ERRFI1: variants seen among roughly 807,000 people sequenced by gnomAD.
ERRFI1 encodes the protein ERBB receptor feedback inhibitor 1.
ERRFI1 carries 12 observed loss-of-function variants against 14.6 expected under a neutral mutation model. The ratio of observed to expected loss-of-function variants is 0.82; its 90% CI spans 0.53 to 1.33. The LOEUF (loss-of-function observed/expected upper bound fraction) is 1.33. Among genes scored for constraint, ERRFI1 ranks in the 40% most tolerant of loss-of-function variants. The probability of loss-of-function intolerance (pLI) is 0.00; values close to 1 mark genes in which losing one functional copy is unlikely to be tolerated. For missense variants in ERRFI1, 482 were observed against 572.1 expected (o/e 0.84, Z 1.61); for synonymous variants, 202 against 209.9 (o/e 0.96, Z 0.32).
chr1:8,013,668 T>C lies in ERRFI1; in HGVS notation c.931A>G (p.Ser311Gly), dbSNP rs1641126026. The C allele has an allele frequency of 6.2e-7, 1 of 1,614,038 alleles. No individual in the cohort carries two copies. The highest frequency in any genetic ancestry group is 1.7e-5 in the Admixed American group (1 of 59,996). The change falls in exon 4 of 4, where the codon AGT (serine) becomes GGT (glycine). Residue 311 changes from serine (S) to glycine (G), a missense_variant. Ser to Gly is a moderately conservative substitution (Grantham distance 56). Coordinates refer to ENST00000377482, the MANE Select transcript of ERRFI1 (RefSeq NM_018948.4). This position sits in a 1 kb window ranked among gnomAD's most constrained non-coding sequence, Gnocchi z 4.3. ...ACTTTGGGAGGCCTGTCTTCATCAC[T>C]ATAGGTGCTCGAAGTAACTTCTGCT... ...WSAEVTSSTYSDEDRPPKVPP... is the reference protein window; with the variant it reads ...WSAEVTSSTYGDEDRPPKVPP...
intron 1 of ERRFI1, among the ~76,000 whole-genome samples, chr1:8,024,029 C>T (rs1470001128): frequency 6.6e-6 from 1 of 152,196 alleles, no homozygotes; most frequent in Non-Finnish European, 1.5e-5. Flanking sequence ...GGAGCCTATG[C>T]CATTCCAATT....
intron 3 of ERRFI1, 96 bp from the exon 4 acceptor site, chr1:8,014,492 T>C (rs1044434248): frequency 1.7e-6 from 2 of 1,205,976 alleles, no homozygotes; most frequent in African/African-American, 3.0e-5. Context: ...TCCACAGCTT[T>C]CTTCCTGAGT....
intron 1 of ERRFI1, among the ~76,000 whole-genome samples, chr1:8,025,948 C>A (rs1233991049): frequency 1.3e-5 from 2 of 151,796 alleles, no homozygotes; most frequent in South Asian, 2.1e-4. Flanking sequence ...TCCCGCTCTC[C>A]ACACCTCAAT....
At chr1:8,015,188 G>A in intron 3 of ERRFI1, 120 bp downstream of exon 3, 1 of 823,366 alleles carries the variant, frequency 1.2e-6, no homozygotes, top group Non-Finnish European at 2.0e-6. Context: ...TAGGGGTCAG[G>A]CTGTTGTTGG....
intron 1 of ERRFI1, among the ~76,000 whole-genome samples, chr1:8,024,518 A>C (rs1211367655): frequency 6.6e-6 from 1 of 152,248 alleles, no homozygotes; most frequent in Non-Finnish European, 1.5e-5. Context: ...ATAAGATAGA[A>C]GCTATACAAG....
chr1:8,025,920 C>G (rs933530301), intron 1 of ERRFI1, among the ~76,000 whole-genome samples: 1 of 151,886 alleles, frequency 6.6e-6, no homozygotes, highest in Non-Finnish European at 1.5e-5. Context: ...CAGGCCCGGG[C>G]TGCGCCGCCG....
At chr1:8,014,606 A>T (rs1569583340) in intron 3 of ERRFI1, 1 of 554,252 alleles carries the variant, frequency 1.8e-6, no homozygotes, top group East Asian at 3.0e-5. Context: ...CAAAGAACAA[A>T]CTATCTCCTC....
rs573450659 is a variant in ERRFI1 at position 8,014,478 on chromosome 1, T to C, written c.203-82A>G. ...AGGGAGAGAGCACCCCAGCTACCTA[T>C]GCTTCCACAGCTTTCTTCCTGAGTG... is the stretch of plus-strand genomic sequence containing the variant. On this transcript the variant is annotated intron_variant, in intron 3 of 3. Transcript: ENST00000377482. 8,304 of 1,325,972 alleles carry C rather than the reference T, an allele frequency of 6.3e-3. 33 individuals carry two copies. The highest frequency in any genetic ancestry group is 7.7e-3 in the Non-Finnish European group (7,486 of 972,636). The allele number at this position is 1,325,972 out of a possible 1,614,324, so 82.1% of individuals were successfully genotyped here. A position where few individuals can be genotyped will look rare whatever the true frequency, so the allele number is the denominator to read the frequency against.
Position 8,012,531 on chromosome 1 carries a change from A to T in ERRFI1, c.*679T>A, listed in dbSNP as rs1641100159. On this transcript the variant is annotated 3_prime_UTR_variant, in exon 4 of 4. Transcript: ENST00000377482. ...TCAAGATGTGTGACAGGTACAGGTG[A>T]CAATATGGTTGCCAAGTAACCTGCT... 4.4e-6 allele frequency: 1 copy of T among 225,932 alleles called. No individual in the cohort carries two copies. The highest frequency in any genetic ancestry group is 2.2e-5 in the African/African-American group (1 of 44,928). 14.0% of individuals were successfully genotyped at this position (225,932 alleles called of 1,614,324 possible).
intron 1 of ERRFI1, among the ~76,000 whole-genome samples, chr1:8,016,109 A>C (rs1382096474): frequency 2.6e-5 from 4 of 152,202 alleles, no homozygotes. Context: ...AAGCTAAAAA[A>C]GTAATTTCAG....
intron 1 of ERRFI1, among the ~76,000 whole-genome samples, chr1:8,023,027 G>A (rs913060257): frequency 6.6e-6 from 1 of 152,130 alleles, no homozygotes; most frequent in African/African-American, 2.4e-5. Context: ...TTACACAGGT[G>A]GTTTGGGAAG....
rs748441931 is a variant in ERRFI1 at position 8,011,733 on chromosome 1, ATAAG to A, written c.*1473_*1476del. 137 of 188,090 alleles carry A rather than the reference ATAAG, an allele frequency of 7.3e-4. No homozygotes were observed. The highest frequency in any genetic ancestry group is 6.5e-4 in the Non-Finnish European group (58 of 88,976). The allele number at this position is 188,090 out of a possible 1,614,324, so 11.7% of individuals were successfully genotyped here. A position where few individuals can be genotyped will look rare whatever the true frequency, so the allele number is the denominator to read the frequency against. On this transcript the variant is annotated 3_prime_UTR_variant, in exon 4 of 4. Transcript: ENST00000377482. ...AGAAACATTACTAATGGTATCATAA[ATAAG>A]TATTATAACTTTATTAAAATGAAAA...
rs560726620 is a variant in ERRFI1 at position 8,020,411 on chromosome 1, G to C, written c.-73-4719C>G. ...CATTTAAAGGCAAAATTTATAAAAG[G>C]AAACTGATTTAGGAATATGACAAAC... On this transcript the variant is annotated intron_variant, in intron 1 of 3. Coordinates refer to ENST00000377482, the MANE Select transcript of ERRFI1 (RefSeq NM_018948.4). Among the ~76,000 whole-genome samples, 5 of 152,118 alleles carry C rather than the reference G, an allele frequency of 3.3e-5. No homozygotes were observed. In the South Asian group the frequency reaches 1.0e-3, roughly 32 times the overall value.
chr1:8,017,504 C>A (rs1641193530), intron 1 of ERRFI1, among the ~76,000 whole-genome samples: 1 of 152,106 alleles, frequency 6.6e-6, no homozygotes, highest in African/African-American at 2.4e-5. Context: ...GTGTTATCTA[C>A]CATCAAGCTA....
rs993584814 is a variant in ERRFI1 at position 8,013,236 on chromosome 1, G to A, written c.1363C>T (p.His455Tyr). 1.2e-6 allele frequency: 2 copies of A among 1,613,414 alleles called. No homozygotes were observed. The highest frequency in any genetic ancestry group is 1.3e-5 in the African/African-American group (1 of 74,924). Residue 455 changes from histidine to tyrosine, a missense_variant, in exon 4 of 4, where the codon CAT becomes TAT. Physicochemically the swap from His to Tyr is moderately conservative, Grantham distance 83 (BLOSUM62 2). Transcript: ENST00000377482. The surrounding 1 kb of genome is among the most constrained non-coding windows in gnomAD (Gnocchi z 4.3). ...TAAGGAGAAACCACATAGGATAAAT[G>A]TTTACGCTTCACGTGGCCACCCAGA... ...MDLGGHVKRK[H>Y]LSYVVSP
chr1:8,015,298 G>A lies in ERRFI1; in HGVS notation c.202+10C>T. On this transcript the variant is annotated intron_variant, in intron 3 of 3. Transcript: ENST00000377482. ...AATGCTTACTGTGATCAGATTTTCA[G>A]AATACATACCAAGTGGTATTAGGCG... 2 of 1,611,378 alleles carry A rather than the reference G, an allele frequency of 1.2e-6. No individual in the cohort carries two copies. Among genetic ancestry groups the A allele is most frequent in the Non-Finnish European group, 8.5e-7 (1 of 1,177,486 alleles).
At chr1:8,015,155 T>C in intron 3 of ERRFI1, 153 bp downstream of exon 3, 1 of 653,328 alleles carries the variant, frequency 1.5e-6, no homozygotes, top group Non-Finnish European at 2.7e-6. Context: ...AAAAACACAG[T>C]TATCTTCTGA....
chr1:8,023,821 T>C (rs1641305101), intron 1 of ERRFI1, among the ~76,000 whole-genome samples: 1 of 152,210 alleles, frequency 6.6e-6, no homozygotes, highest in Non-Finnish European at 1.5e-5. Context: ...CTCATCTACC[T>C]TTACAAAGCA....
intron 3 of ERRFI1, 48 bp downstream of exon 3, chr1:8,015,260 A>T: frequency 6.5e-7 from 1 of 1,545,266 alleles, no homozygotes; most frequent in Non-Finnish European, 8.9e-7. Context: ...CCGAATCCAG[A>T]CTGTTCTTCT....
Sources: allele counts gnomAD v4.1 joint callset (sites outside exome capture counted in the v4.1 genomes callset), GRCh38; gene constraint gnomAD v4.1.1; non-coding constraint Gnocchi (gnomAD v3.1); transcripts MANE v1.5; gene names NCBI Gene and HGNC (gene_info 2026-07-23, HGNC 2026-07-21).